WWOX: variants seen among roughly 807,000 people sequenced by gnomAD.
The protein encoded by WWOX is WW domain-containing oxidoreductase.
WWOX carries 69 observed loss-of-function variants against 46.2 expected under a neutral mutation model. That is an observed-to-expected ratio of 1.49 (90% confidence interval 1.23 to 1.82). The LOEUF is 1.82. Among genes scored for constraint, WWOX ranks in the 40% most tolerant of loss-of-function variants. The probability of loss-of-function intolerance (pLI) is 0.00; values close to 1 mark genes in which losing one functional copy is unlikely to be tolerated. For synonymous variants in WWOX, 359 were observed against 202.6 expected, an observed-to-expected ratio of 1.77 and a Z score of -6.56; for missense variants, 919 against 542.6, an observed-to-expected ratio of 1.69 and a Z score of -6.89.
chr16:79,078,781 C>G (rs895699143), intron 8 of WWOX, among the ~76,000 whole-genome samples: 2 of 152,194 alleles, frequency 1.3e-5, no homozygotes, highest in African/African-American at 4.8e-5. Context: ...CTTCACTTCT[C>G]TTGGCCTTTA....
chr16:78,230,218 C>T (rs922707195), intron 5 of WWOX, among the ~76,000 whole-genome samples: 3 of 152,122 alleles, frequency 2.0e-5, no homozygotes, highest in East Asian at 1.9e-4. Context: ...CCATCTAATA[C>T]GCAGTGCCAG....
intron 8 of WWOX, among the ~76,000 whole-genome samples, chr16:78,783,423 A>G (rs1407440537): frequency 1.3e-5 from 2 of 152,188 alleles, no homozygotes; most frequent in Non-Finnish European, 2.9e-5. Flanking sequence ...AGAAGAGAGG[A>G]AGGAGTTTGT....
At chr16:78,696,716 G>A (rs1253225358) in intron 8 of WWOX, among the ~76,000 whole-genome samples, 1 of 151,992 alleles carries the variant, frequency 6.6e-6, no homozygotes. Context: ...TTGGTTACAT[G>A]AGTAAGTTCT....
chr16:78,726,578 A>G (rs1290224029), intron 8 of WWOX, among the ~76,000 whole-genome samples: 1 of 149,314 alleles, frequency 6.7e-6, no homozygotes, highest in Non-Finnish European at 1.5e-5. Flanking sequence ...CCCCCATGGG[A>G]TAGTAGGTAA....
At chr16:78,825,718 A>G in intron 8 of WWOX, 1 of 566,204 alleles carries the variant, frequency 1.8e-6, no homozygotes, top group South Asian at 1.7e-5. Flanking sequence ...CAGAGGGTCA[A>G]ATCCATGAGT....
In WWOX at chr16:78,161,140, T is replaced by C. The variant is rs182492180; in HGVS notation, c.410-3043T>C. Among the ~76,000 whole-genome samples the C allele has an allele frequency of 2.2e-3, 331 of 152,292 alleles. 1 individual carries two copies. The highest frequency in any genetic ancestry group is 3.0e-3 in the Non-Finnish European group (201 of 68,024). On this transcript the variant is annotated intron_variant, in intron 4 of 8. Transcript: ENST00000566780. Reference sequence around the variant, plus strand: ...TATACAGTATACCTTTTCTATTCTTTTACTTTTTTTATGCTTATGTTTAAA... The same window carrying C: ...TATACAGTATACCTTTTCTATTCTTCTACTTTTTTTATGCTTATGTTTAAA...
chr16:78,820,551 T>A (rs1007395063), intron 8 of WWOX, among the ~76,000 whole-genome samples: 1 of 152,164 alleles, frequency 6.6e-6, no homozygotes, highest in Non-Finnish European at 1.5e-5. Flanking sequence ...TTTATTGGGA[T>A]TAGTGGATGA....
rs144393759 is a variant in WWOX, at chr16:78,575,438, A to G, written c.1056+142686A>G. Among the ~76,000 whole-genome samples the G allele has an allele frequency of 5.2e-3, 794 of 151,988 alleles. 2 individuals are homozygous for G. Among genetic ancestry groups the G allele is most frequent in the Middle Eastern group, 0.02 (6 of 294 alleles). On this transcript the variant is annotated intron_variant, in intron 8 of 8. Coordinates refer to ENST00000566780, the MANE Select transcript of WWOX (RefSeq NM_016373.4). ...TAATCTTACACCTACCCATTAGTCT[A>G]TAAAACTCCTGAGGGATGCTCAGGA...
chr16:78,816,658 C>G (rs1283715840), intron 8 of WWOX, among the ~76,000 whole-genome samples: 4 of 151,830 alleles, frequency 2.6e-5, no homozygotes, highest in South Asian at 2.1e-4. Flanking sequence ...AAAGCACAAC[C>G]AAATTGTAGT....
chr16:78,240,591 A>G (rs1004176012), intron 5 of WWOX, among the ~76,000 whole-genome samples: 2 of 152,088 alleles, frequency 1.3e-5, no homozygotes, highest in African/African-American at 2.4e-5. Flanking sequence ...GCCCTAGCAC[A>G]CTGCCACATC....
intron 5 of WWOX, among the ~76,000 whole-genome samples, chr16:78,206,663 T>G (rs955628757): frequency 1.3e-5 from 2 of 152,332 alleles, no homozygotes; most frequent in African/African-American, 4.8e-5. Flanking sequence ...TAGATACAAT[T>G]AATAGTTATG....
chr16:78,130,216 C>G (rs1452356414), intron 4 of WWOX: 1 of 152,158 alleles, frequency 6.6e-6, no homozygotes, highest in South Asian at 2.1e-4. Flanking sequence ...AGCATGAAAA[C>G]AGACTAATAC....
At chr16:79,196,035 C>T (rs1020436322) in intron 8 of WWOX, among the ~76,000 whole-genome samples, 15 of 152,144 alleles carry the variant, frequency 9.9e-5, no homozygotes, top group African/African-American at 3.6e-4. Context: ...GCTTCTCATG[C>T]AATTTAATCA....
chr16:79,182,672 C>G (rs962474476), intron 8 of WWOX, among the ~76,000 whole-genome samples: 1 of 152,162 alleles, frequency 6.6e-6, no homozygotes, highest in Non-Finnish European at 1.5e-5. Flanking sequence ...GCTTGTGACA[C>G]CGGGCAAGTT....
intron 8 of WWOX, among the ~76,000 whole-genome samples, chr16:78,678,014 C>G (rs574547462): frequency 5.3e-4 from 81 of 152,314 alleles, no homozygotes; most frequent in Non-Finnish European, 8.2e-4. Context: ...TCTGCCGTCC[C>G]TGAATCTCTA....
At chr16:78,271,385 TGAG>T (rs1426034636) in intron 5 of WWOX, among the ~76,000 whole-genome samples, 1 of 152,206 alleles carries the variant, frequency 6.6e-6, no homozygotes, top group Non-Finnish European at 1.5e-5. Flanking sequence ...CACAGTGTGC[TGAG>T]GTTTCACATT....
chr16:78,920,646 T>C (rs2151269023), intron 8 of WWOX, among the ~76,000 whole-genome samples: 1 of 152,276 alleles, frequency 6.6e-6, no homozygotes, highest in Admixed American at 6.5e-5. Flanking sequence ...CCTGACCTGC[T>C]TGATTCATGT....
At chr16:78,622,279 A>C (rs1490152848) in intron 8 of WWOX, among the ~76,000 whole-genome samples, 1 of 152,104 alleles carries the variant, frequency 6.6e-6, no homozygotes, top group Non-Finnish European at 1.5e-5. Context: ...GCAGTGGCTC[A>C]TGCTTGTAAT....
At chr16:79,041,079 G>A (rs979457965) in intron 8 of WWOX, among the ~76,000 whole-genome samples, 4 of 151,934 alleles carry the variant, frequency 2.6e-5, no homozygotes, top group African/African-American at 9.7e-5. Context: ...AGAATGCAAT[G>A]TCCTAATACA....
Sources: gnomAD v4.1 joint callset for allele counts (sites outside exome capture counted in the v4.1 genomes callset) on GRCh38, gnomAD v4.1.1 for gene constraint, MANE v1.5 for transcripts, NCBI Gene and HGNC (gene_info 2026-07-23, HGNC 2026-07-21) for gene names.